Variants in PRR5 observed in about 807,000 individuals in gnomAD.
PRR5 encodes proline-rich protein 5.
PRR5 carries 25 observed loss-of-function variants against 30.6 expected under a neutral mutation model. That is an observed-to-expected ratio of 0.82 (90% CI 0.60 to 1.14). The LOEUF is 1.14. Among genes scored for constraint, PRR5 ranks in the 50% most tolerant of loss-of-function variants. The pLI is 0.00. For synonymous variants in PRR5, 286 were observed against 247.1 expected, an observed-to-expected ratio of 1.16 and a Z score of -1.48; for missense variants, 600 against 547.1, an observed-to-expected ratio of 1.10 and a Z score of -0.96.
chr22:44,693,927 C>T (rs1445393564), intron 1 of PRR5, among the ~76,000 whole-genome samples: 2 of 151,838 alleles, frequency 1.3e-5, no homozygotes. Context: ...CTGCGCCCTG[C>T]CCACATGGCC....
intron 1 of PRR5, among the ~76,000 whole-genome samples, chr22:44,706,947 G>C (rs928314568): frequency 5.3e-5 from 8 of 152,122 alleles, no homozygotes; most frequent in Non-Finnish European, 1.2e-4. Context: ...TTATTTATTG[G>C]TCAGGTTTTG....
upstream of PRR5, among the ~76,000 whole-genome samples, chr22:44,697,458 A>C (rs1353324034): frequency 6.6e-6 from 1 of 151,922 alleles, no homozygotes; most frequent in East Asian, 1.9e-4. Flanking sequence ...AGAGCCAGGC[A>C]CTCCCCATGG....
upstream of PRR5, among the ~76,000 whole-genome samples, chr22:44,675,796 T>TTAC (rs549995621): frequency 2.0e-5 from 3 of 146,354 alleles, no homozygotes; most frequent in African/African-American, 7.9e-5. Flanking sequence ...ATTATTATTA[T>TTAC]TACTTAGGTC....
chr22:44,678,143 C>T (rs150266281), intron 1 of PRR5, among the ~76,000 whole-genome samples: 4,525 of 152,146 alleles, frequency 0.03, 135 homozygotes, highest in Admixed American at 0.096. Context: ...TGTGGATGGT[C>T]GGGTCATCTC....
At chr22:44,731,478 T>G in intron 4 of PRR5, 1 of 559,706 alleles carries the variant, frequency 1.8e-6, no homozygotes, top group Non-Finnish European at 3.2e-6. Context: ...CTTAGGCTCA[T>G]TTCATGCCCT....
chr22:44,729,778 C>T, intron 4 of PRR5: 1 of 985,510 alleles, frequency 1.0e-6, no homozygotes, highest in Non-Finnish European at 1.2e-6. Context: ...TTTACAACAT[C>T]TGCTTTCCGC....
At chr22:44,721,935 A>G (rs781485591) in intron 2 of PRR5, among the ~76,000 whole-genome samples, 40 of 152,186 alleles carry the variant, frequency 2.6e-4, no homozygotes, top group Non-Finnish European at 4.4e-4. Flanking sequence ...CCCTGCAAGT[A>G]ATGCCTGCGG....
chr22:44,675,756 G>C, upstream of PRR5, among the ~76,000 whole-genome samples: 1 of 113,310 alleles, frequency 8.8e-6, no homozygotes, highest in Admixed American at 9.9e-5. Flanking sequence ...TGTTACTGTT[G>C]CTGTTGTTAT....
chr22:44,703,766 C>G (rs1159778056), intron 1 of PRR5, among the ~76,000 whole-genome samples: 1 of 152,126 alleles, frequency 6.6e-6, no homozygotes, highest in Non-Finnish European at 1.5e-5. Context: ...ACCTGTAATC[C>G]TAGCACTTTG....
intron 2 of PRR5, among the ~76,000 whole-genome samples, chr22:44,724,320 C>T (rs573556239): frequency 1.3e-5 from 2 of 152,262 alleles, no homozygotes; most frequent in Admixed American, 6.5e-5. Flanking sequence ...CCTGTAGTCC[C>T]AGCTACTCAG....
At chr22:44,670,571 C>T (rs374456414) in intron 1 of PRR5, among the ~76,000 whole-genome samples, 4 of 152,312 alleles carry the variant, frequency 2.6e-5, no homozygotes, top group South Asian at 4.1e-4. Flanking sequence ...GTGGATCGGC[C>T]GTGAGAAGGG....
chr22:44,720,729 G>A (rs1929804108), intron 2 of PRR5, among the ~76,000 whole-genome samples: 1 of 152,206 alleles, frequency 6.6e-6, no homozygotes, highest in Non-Finnish European at 1.5e-5. Context: ...TGCTCTCATT[G>A]GGGTCCGGGA....
chr22:44,692,303 C>T (rs1925325193), intron 1 of PRR5, among the ~76,000 whole-genome samples: 1 of 137,834 alleles, frequency 7.3e-6, no homozygotes, highest in Non-Finnish European at 1.6e-5. Flanking sequence ...GGCTCCCCCT[C>T]TCGGTGCTCC....
intron 1 of PRR5, among the ~76,000 whole-genome samples, chr22:44,685,511 G>T (rs1924663262): frequency 1.3e-5 from 2 of 151,974 alleles, no homozygotes; most frequent in African/African-American, 2.4e-5. Flanking sequence ...TAAGGTGGGA[G>T]CCTTGCGCTT....
intron 1 of PRR5, among the ~76,000 whole-genome samples, chr22:44,707,311 C>T (rs901091758): frequency 5.9e-5 from 9 of 152,318 alleles, no homozygotes; most frequent in Middle Eastern, 3.4e-3. Flanking sequence ...GCCACTGGGG[C>T]GTGCCCTGCA....
intron 1 of PRR5, among the ~76,000 whole-genome samples, chr22:44,682,644 A>G (rs1426707909): frequency 6.6e-6 from 1 of 152,198 alleles, no homozygotes; most frequent in Non-Finnish European, 1.5e-5. Context: ...GGCCCATAGG[A>G]GGTTCTCAAG....
chr22:44,671,526 C>T (rs1923425697), intron 1 of PRR5, among the ~76,000 whole-genome samples: 1 of 152,072 alleles, frequency 6.6e-6, no homozygotes, highest in Non-Finnish European at 1.5e-5. Flanking sequence ...TGCAGATCCT[C>T]AGACCCTCAG....
chr22:44,711,115 C>T (rs1002070096), intron 1 of PRR5, among the ~76,000 whole-genome samples: 1 of 152,144 alleles, frequency 6.6e-6, no homozygotes, highest in African/African-American at 2.4e-5. Flanking sequence ...GAGGCTCAGG[C>T]CTCCACGGAG....
intron 6 of PRR5, 48 bp from the exon 7 acceptor site, chr22:44,734,979 C>G: frequency 1.3e-6 from 2 of 1,576,672 alleles, no homozygotes; most frequent in Non-Finnish European, 1.7e-6. Context: ...CCTGGAGCCA[C>G]CAAGCTCGGG....
Sources: allele counts gnomAD v4.1 joint callset (sites outside exome capture counted in the v4.1 genomes callset), GRCh38; gene constraint gnomAD v4.1.1; transcripts MANE v1.5; gene names NCBI Gene and HGNC (gene_info 2026-07-23, HGNC 2026-07-21).